Variants in HMCN1 observed in about 807,000 individuals in gnomAD.
HMCN1 encodes hemicentin 1.
In HMCN1, 321 loss-of-function variants were observed where a neutral mutation model predicts 625.9. The ratio of observed to expected loss-of-function variants is 0.51; its 90% CI spans 0.47 to 0.56. HMCN1 has a LOEUF of 0.56. HMCN1 is among the 20% of genes least tolerant of loss of function. The pLI, the probability that HMCN1 is intolerant of heterozygous loss-of-function variation, is 0.00. For missense variants in HMCN1, 6,588 were observed against 6,887.3 expected (o/e 0.96, Z 1.54); for synonymous variants, 2,425 against 2,417.6 (o/e 1.00, Z -0.09).
chr1:185,972,785 A>G (rs1029340110), intron 15 of HMCN1, among the ~76,000 whole-genome samples: 3 of 152,066 alleles, frequency 2.0e-5, no homozygotes, highest in Non-Finnish European at 4.4e-5. Flanking sequence ...TTGGCTGCCT[A>G]CCTAGTGCCT....
At chr1:186,065,090 T>C (rs978222260) in intron 48 of HMCN1, 148 bp from the exon 49 acceptor site, 14 of 615,958 alleles carry the variant, frequency 2.3e-5, no homozygotes, top group Non-Finnish European at 4.0e-5. Context: ...ATAAGTTAGC[T>C]TGCATAGTTA....
intron 1 of HMCN1, among the ~76,000 whole-genome samples, chr1:185,741,488 T>A (rs1244911065): frequency 6.6e-6 from 1 of 152,126 alleles, no homozygotes; most frequent in Admixed American, 6.5e-5. Flanking sequence ...TACATATAGA[T>A]GGTATTTAGG....
At chr1:185,874,906 G>A (rs551573717) in intron 4 of HMCN1, among the ~76,000 whole-genome samples, 1 of 151,538 alleles carries the variant, frequency 6.6e-6, no homozygotes, top group East Asian at 1.9e-4. Flanking sequence ...AAGTCTTCAG[G>A]AACTAGTGAA....
At chr1:186,064,043 AG>A (rs891028111) in intron 48 of HMCN1, among the ~76,000 whole-genome samples, 1 of 152,166 alleles carries the variant, frequency 6.6e-6, no homozygotes, top group Non-Finnish European at 1.5e-5. Flanking sequence ...AATTCAAATA[AG>A]CAGAGGGGGG....
At position 185,984,282 on chromosome 1, in the gene HMCN1, C is replaced by T; in HGVS notation, c.2904C>T (p.Thr968=). The change falls in exon 19 of 107, where the codon ACC becomes ACT. Residue 968 remains threonine (T), a synonymous_variant. Coordinates refer to ENST00000271588, the MANE Select transcript of HMCN1 (RefSeq NM_031935.3). ...GTGTGGCCAGTAACGTTGCTGGGAC[C>T]AATAACAAAACTACCTCTGTGGTTG... ...YTCVASNVAG[T]NNKTTSVVVH... 6.2e-7 allele frequency: 1 copy of T among 1,613,914 alleles called. No homozygotes were observed. Among genetic ancestry groups the T allele is most frequent in the Middle Eastern group, 1.7e-4 (1 of 6,060 alleles).
rs545333048 is a variant in HMCN1 at position 185,858,052 on chromosome 1, TC to T, written c.340-6417del. Among the ~76,000 whole-genome samples, 42 of 152,322 alleles carry T rather than the reference TC, an allele frequency of 2.8e-4. No homozygotes were observed. In the South Asian group the frequency reaches 8.5e-3, roughly 31 times the overall value. On this transcript the variant is annotated intron_variant, in intron 2 of 106. Coordinates refer to ENST00000271588, the MANE Select transcript of HMCN1 (RefSeq NM_031935.3). ...ATTTTCAGGCCAGGCATAATTAAGT[TC>T]AAATCTCTGCTTTTTCACTTACTAG...
intron 4 of HMCN1, among the ~76,000 whole-genome samples, chr1:185,880,155 G>A (rs1194108237): frequency 1.3e-5 from 2 of 152,136 alleles, no homozygotes; most frequent in East Asian, 3.9e-4. Context: ...TTTCCTTGGG[G>A]TTAGGAAGTA....
chr1:185,853,243 C>T (rs1210237256), intron 2 of HMCN1, among the ~76,000 whole-genome samples: 1 of 152,094 alleles, frequency 6.6e-6, no homozygotes, highest in Non-Finnish European at 1.5e-5. Context: ...TATCTCCAAT[C>T]ACTTTGAGTA....
Position 186,029,209 on chromosome 1 carries a change from G to A in HMCN1, c.5749+6056G>A, listed in dbSNP as rs1655256887. On this transcript the variant is annotated intron_variant, in intron 36 of 106. Transcript: ENST00000271588. ...ACTCTTTGGAGTAGAAAAGCAATTGGCTTATTTTTTTTCAACCTTCTGAGG... is the reference window on the plus strand; with the variant it reads ...ACTCTTTGGAGTAGAAAAGCAATTGACTTATTTTTTTTCAACCTTCTGAGG... 2.0e-5 allele frequency among the ~76,000 whole-genome samples: 3 copies of A among 151,922 alleles called. No individual in the cohort carries two copies. The South Asian group carries it at 6.2e-4, about 32-fold the overall frequency.
chr1:185,973,868 T>A (rs1168993339), intron 15 of HMCN1, among the ~76,000 whole-genome samples: 1 of 152,146 alleles, frequency 6.6e-6, no homozygotes, highest in African/African-American at 2.4e-5. Context: ...ACTTAGACTG[T>A]GGTTTCATGC....
At position 186,007,300 on chromosome 1, in the gene HMCN1, A is replaced by T. The variant is rs761713846; in HGVS notation, c.4630+18A>T. The T allele has an allele frequency of 1.2e-6, 2 of 1,611,546 alleles. No homozygotes were observed. Among genetic ancestry groups the T allele is most frequent in the South Asian group, 2.2e-5 (2 of 91,036 alleles). The stretch of plus-strand genomic sequence containing the variant: ...TATCTATAGTAAGTGCGATTGTCTT[A>T]TGCTTTTTATTGTCTGCTCTCATTA... On this transcript the variant is annotated intron_variant, in intron 30 of 106. Coordinates refer to ENST00000271588, the MANE Select transcript of HMCN1 (RefSeq NM_031935.3).
At chr1:186,154,268 G>A (rs909623184) in intron 97 of HMCN1, among the ~76,000 whole-genome samples, 5 of 152,288 alleles carry the variant, frequency 3.3e-5, no homozygotes, top group Non-Finnish European at 4.4e-5. Context: ...GTGGCGGGGC[G>A]TGGTGGCTCA....
At chr1:186,006,712 A>T (rs1330344729) in intron 29 of HMCN1, among the ~76,000 whole-genome samples, 1 of 151,594 alleles carries the variant, frequency 6.6e-6, no homozygotes, top group Non-Finnish European at 1.5e-5. Context: ...TTTAAAAATA[A>T]TATTATTTGG....
intron 40 of HMCN1, among the ~76,000 whole-genome samples, chr1:186,043,073 T>C (rs1231672528): frequency 6.6e-6 from 1 of 152,144 alleles, no homozygotes; most frequent in Admixed American, 6.5e-5. Flanking sequence ...ACCTTTTCTT[T>C]AAACTTAAGC....
intron 93 of HMCN1, among the ~76,000 whole-genome samples, chr1:186,147,945 T>C (rs1179422028): frequency 6.6e-6 from 1 of 152,164 alleles, no homozygotes; most frequent in Admixed American, 6.5e-5. Flanking sequence ...AGAATGACAT[T>C]TGCCACATCA....
intron 11 of HMCN1, among the ~76,000 whole-genome samples, chr1:185,945,110 A>C (rs1202784956): frequency 1.3e-5 from 2 of 152,242 alleles, no homozygotes; most frequent in East Asian, 1.9e-4. Flanking sequence ...TATTATAAAT[A>C]AAAATTGAAT....
chr1:186,041,150 G>A lies in HMCN1; in HGVS notation c.6304+14G>A. 1 of 1,609,714 alleles carries A rather than the reference G, an allele frequency of 6.2e-7. No homozygotes were observed. Among genetic ancestry groups the A allele is most frequent in the South Asian group, 1.1e-5 (1 of 90,986 alleles). On this transcript the variant is annotated intron_variant, in intron 40 of 106. Coordinates refer to ENST00000271588, the MANE Select transcript of HMCN1 (RefSeq NM_031935.3). ...TCCGAGTATATGGTGAGACATTTTAGTAATTAATTCTCTTCTGGTAGAGAT... is the reference window on the plus strand; with the variant it reads ...TCCGAGTATATGGTGAGACATTTTAATAATTAATTCTCTTCTGGTAGAGAT...
intron 1 of HMCN1, among the ~76,000 whole-genome samples, chr1:185,832,198 A>G (rs1660906734): frequency 6.6e-6 from 1 of 152,100 alleles, no homozygotes; most frequent in African/African-American, 2.4e-5. Context: ...TGGGGAGCTG[A>G]TGTGGGAGAA....
intron 9 of HMCN1, 43 bp downstream of exon 9, chr1:185,925,234 A>G (rs1314650828): frequency 6.4e-7 from 1 of 1,554,916 alleles, no homozygotes; most frequent in Non-Finnish European, 8.9e-7. Context: ...AGCATTTAAC[A>G]TGTAAATATA....
Sources: gnomAD v4.1 joint callset for allele counts (sites outside exome capture counted in the v4.1 genomes callset) on GRCh38, gnomAD v4.1.1 for gene constraint, MANE v1.5 for transcripts, NCBI Gene and HGNC (gene_info 2026-07-23, HGNC 2026-07-21) for gene names.